SAMSN1: variants seen among roughly 807,000 people sequenced by gnomAD.
The protein encoded by SAMSN1 is SAM domain-containing protein SAMSN-1.
A neutral mutation model predicts 42.0 loss-of-function variants in SAMSN1; 31 were observed. The observed-to-expected ratio is 0.74, with a 90% CI of 0.55 to 1.00. The LOEUF (loss-of-function observed/expected upper bound fraction) is 1.00, where lower values mean the gene tolerates loss of function less well. Ranked by LOEUF, SAMSN1 falls within the 50% of genes least tolerant of loss-of-function variation. The pLI is 0.00. For synonymous variants in SAMSN1, 178 were observed against 151.9 expected (o/e 1.17, Z -1.26); for missense variants, 464 against 439.4 (o/e 1.06, Z -0.50).
At chr21:14,648,388 G>A (rs1415444045) in intron 1 of SAMSN1, among the ~76,000 whole-genome samples, 2 of 152,056 alleles carry the variant, frequency 1.3e-5, no homozygotes, top group Non-Finnish European at 2.9e-5. Flanking sequence ...AACACCAAAA[G>A]CAATGGCAAC....
At chr21:14,576,245 G>C (rs1168068294) in intron 2 of SAMSN1, among the ~76,000 whole-genome samples, 1 of 152,140 alleles carries the variant, frequency 6.6e-6, no homozygotes, top group Non-Finnish European at 1.5e-5. Context: ...GCATTTATCA[G>C]TTAGAATAGT....
chr21:14,504,077 C>G (rs1478499336), intron 5 of SAMSN1, among the ~76,000 whole-genome samples: 2 of 152,242 alleles, frequency 1.3e-5, no homozygotes, highest in East Asian at 3.9e-4. Context: ...CAAGGGAACA[C>G]CCCATGGGAC....
chr21:14,651,235 A>G (rs1983830697), intron 1 of SAMSN1, among the ~76,000 whole-genome samples: 1 of 151,910 alleles, frequency 6.6e-6, no homozygotes, highest in South Asian at 2.1e-4. Context: ...AAAAAAAAAG[A>G]AGACTACAGG....
chr21:14,623,870 T>G (rs560582318), intron 2 of SAMSN1, among the ~76,000 whole-genome samples: 129 of 152,284 alleles, frequency 8.5e-4, no homozygotes, highest in Non-Finnish European at 1.6e-3. Context: ...GACCACATAG[T>G]TAGAAGTAAA....
chr21:14,659,052 C>T (rs2123406538), upstream of SAMSN1, among the ~76,000 whole-genome samples: 1 of 152,016 alleles, frequency 6.6e-6, no homozygotes, highest in Non-Finnish European at 1.5e-5. Flanking sequence ...AATGATAGTC[C>T]TAAAACCTGC....
In SAMSN1 at chr21:14,645,983, G is replaced by C. The variant is rs1007862822; in HGVS notation, c.25-2850C>G. ...CAGTCAGAGGAGACAAAAGAAAAAAGAACAAAAAACAACGTAGCGCAACTA... is the reference window on the plus strand; with the variant it reads ...CAGTCAGAGGAGACAAAAGAAAAAACAACAAAAAACAACGTAGCGCAACTA... On this transcript the variant is annotated intron_variant, in intron 1 of 15. Transcript: ENST00000647101. Among the ~76,000 whole-genome samples, 4 of 151,892 alleles carry C rather than the reference G, an allele frequency of 2.6e-5. No homozygotes were observed. The East Asian group carries it at 7.7e-4, about 29-fold the overall frequency.
chr21:14,548,549 C>T (rs545938338), upstream of SAMSN1, among the ~76,000 whole-genome samples: 1 of 151,978 alleles, frequency 6.6e-6, no homozygotes, highest in Non-Finnish European at 1.5e-5. Flanking sequence ...TTTAACATTA[C>T]AAGAAATGTT....
chr21:14,502,621 C>A (rs191278326), intron 5 of SAMSN1, among the ~76,000 whole-genome samples: 1 of 152,128 alleles, frequency 6.6e-6, no homozygotes, highest in Non-Finnish European at 1.5e-5. Context: ...CGGTATTGTA[C>A]GGAAGTTGAA....
At chr21:14,578,892 TCTGA>T (rs916022010) in intron 2 of SAMSN1, among the ~76,000 whole-genome samples, 1 of 152,090 alleles carries the variant, frequency 6.6e-6, no homozygotes, top group Non-Finnish European at 1.5e-5. Context: ...AAATGTCGCC[TCTGA>T]CTACCTGCCA....
intron 2 of SAMSN1, among the ~76,000 whole-genome samples, chr21:14,560,742 C>T (rs1980918560): frequency 1.3e-5 from 2 of 152,168 alleles, no homozygotes; most frequent in South Asian, 2.1e-4. Flanking sequence ...CTAACTGTGT[C>T]CCTCTCTTGC....
At chr21:14,651,224 A>G (rs1156318148) in intron 1 of SAMSN1, among the ~76,000 whole-genome samples, 1 of 148,088 alleles carries the variant, frequency 6.8e-6, no homozygotes, top group Non-Finnish European at 1.5e-5. Flanking sequence ...AAGACACATC[A>G]AAAAAAAAAG....
rs879200270 is a variant in SAMSN1 at position 14,546,244 on chromosome 21, T to A, written c.18A>T (p.Pro6=). The change falls in exon 1 of 8, where the codon CCA becomes CCT. Residue 6 remains proline (P), a synonymous_variant. Transcript: ENST00000400566. The part of the protein sequence containing the change: MLKRK[P]SNVSEKEKHQ... ...GTTTCTCCTTCTCTGAAACATTGGA[T>A]GGCTTTCTCTTGAGCATTTTGAATT... 4 of 1,613,662 alleles carry A rather than the reference T, an allele frequency of 2.5e-6. No homozygotes were observed. The South Asian group carries it at 3.3e-5, about 13-fold the overall frequency.
rs576382521 is a variant in SAMSN1 at position 14,626,637 on chromosome 21, T to G, written c.157-10621A>C. Among the ~76,000 whole-genome samples, 1,363 of 152,068 alleles carry G rather than the reference T, an allele frequency of 9.0e-3. 14 individuals carry two copies. Among genetic ancestry groups the G allele is most frequent in the African/African-American group, 0.023 (942 of 41,436 alleles). ...AAAAGTCAGGAAACAACAGGGGCTGTAGAGGATGTGGAGAAATAGGAACAC... is the reference window on the plus strand; with the variant it reads ...AAAAGTCAGGAAACAACAGGGGCTGGAGAGGATGTGGAGAAATAGGAACAC... On this transcript the variant is annotated intron_variant, in intron 2 of 15. Coordinates refer to the SAMSN1 transcript ENST00000647101.
At chr21:14,522,051 T>C (rs1276782186) in intron 1 of SAMSN1, among the ~76,000 whole-genome samples, 2 of 152,082 alleles carry the variant, frequency 1.3e-5, no homozygotes, top group Non-Finnish European at 2.9e-5. Flanking sequence ...AGGTTGGGAG[T>C]AAAATGGAAT....
intron 2 of SAMSN1, among the ~76,000 whole-genome samples, chr21:14,575,058 C>T (rs1282324562): frequency 6.6e-6 from 1 of 152,130 alleles, no homozygotes; most frequent in Non-Finnish European, 1.5e-5. Context: ...CTCTTGTCCA[C>T]CCCTTCTCCT....
chr21:14,532,865 T>A (rs1471532205), intron 1 of SAMSN1, among the ~76,000 whole-genome samples: 2 of 151,936 alleles, frequency 1.3e-5, no homozygotes, highest in Non-Finnish European at 2.9e-5. Flanking sequence ...ATCATAAGTA[T>A]TACAAAATGT....
intron 2 of SAMSN1, among the ~76,000 whole-genome samples, chr21:14,625,267 G>A (rs1183917346): frequency 1.3e-5 from 2 of 152,120 alleles, no homozygotes; most frequent in Non-Finnish European, 2.9e-5. Context: ...AGCGTTGGAA[G>A]TTCTGGCCAG....
intron 1 of SAMSN1, among the ~76,000 whole-genome samples, chr21:14,538,131 T>G (rs1029186478): frequency 6.6e-6 from 1 of 152,266 alleles, no homozygotes; most frequent in Non-Finnish European, 1.5e-5. Flanking sequence ...TGTTTTGTTT[T>G]GTTTTTGGAG....
In SAMSN1 at chr21:14,510,578, G is replaced by C. The variant is rs1243460610; in HGVS notation, c.410-117C>G. On this transcript the variant is annotated intron_variant, in intron 4 of 7. Coordinates refer to ENST00000400566, the MANE Select transcript of SAMSN1 (RefSeq NM_022136.5). ...CACTGGATGCCAGGCTCCTGAGGAA[G>C]TTCTAATTGACCCATCCTGGTGTCT... The C allele has an allele frequency of 2.6e-6, 3 of 1,159,104 alleles. No individual in the cohort carries two copies. The African/African-American group carries it at 4.5e-5, about 17-fold the overall frequency. The allele number at this position is 1,159,104 out of a possible 1,614,324, so 71.8% of individuals were successfully genotyped here. A position where few individuals can be genotyped will look rare whatever the true frequency, so the allele number is the denominator to read the frequency against.
Sources: allele counts gnomAD v4.1 joint callset (sites outside exome capture counted in the v4.1 genomes callset), GRCh38; gene constraint gnomAD v4.1.1; transcripts MANE v1.5; gene names NCBI Gene and HGNC (gene_info 2026-07-23, HGNC 2026-07-21).